The following REV3L variants were observed in gnomAD, a reference collection of about 807,000 sequenced individuals.
REV3L encodes REV3 like, DNA directed polymerase zeta catalytic subunit.
In REV3L, 69 loss-of-function variants were observed where a neutral mutation model predicts 299.4. The ratio of observed to expected loss-of-function variants is 0.23; its 90% CI spans 0.19 to 0.28. The LOEUF (loss-of-function observed/expected upper bound fraction) is 0.28. Ranked by LOEUF, REV3L falls within the 10% of genes least tolerant of loss-of-function variation. The pLI is 1.00. For missense variants in REV3L, 3,128 were observed against 3,693.8 expected (o/e 0.85, Z 3.97); for synonymous variants, 1,238 against 1,271.4 (o/e 0.97, Z 0.56).
At chr6:111,401,287 T>C (rs916722373) in intron 4 of REV3L, among the ~76,000 whole-genome samples, 3 of 152,180 alleles carry the variant, frequency 2.0e-5, no homozygotes, top group Non-Finnish European at 4.4e-5. Flanking sequence ...TGGGAGAAAT[T>C]GGTGGACAGT....
intron 1 of REV3L, among the ~76,000 whole-genome samples, chr6:111,424,317 A>G (rs1785914470): frequency 6.6e-6 from 1 of 152,186 alleles, no homozygotes; most frequent in Non-Finnish European, 1.5e-5. Flanking sequence ...GGCAGGATGT[A>G]GATAAAAGTA....
At chr6:111,327,720 C>G (rs898766530) in intron 25 of REV3L, among the ~76,000 whole-genome samples, 1 of 151,888 alleles carries the variant, frequency 6.6e-6, no homozygotes, top group Admixed American at 6.6e-5. Context: ...AAATATAAAC[C>G]TAGATACAAA....
intron 3 of REV3L, among the ~76,000 whole-genome samples, chr6:111,407,814 T>C (rs1783805380): frequency 6.6e-6 from 1 of 152,124 alleles, no homozygotes; most frequent in Non-Finnish European, 1.5e-5. Flanking sequence ...GTGGTGCCTG[T>C]AATCCTAACT....
At chr6:111,466,406 T>C (rs1791520759) in intron 1 of REV3L, among the ~76,000 whole-genome samples, 3 of 152,132 alleles carry the variant, frequency 2.0e-5, no homozygotes, top group Admixed American at 6.5e-5. Context: ...AAAAAGCACA[T>C]AGAGGAATTT....
intron 18 of REV3L, among the ~76,000 whole-genome samples, chr6:111,355,712 G>T (rs189412762): frequency 1.7e-3 from 253 of 152,140 alleles, no homozygotes; most frequent in Non-Finnish European, 2.9e-3. Flanking sequence ...GGACATTACT[G>T]GACATGTGCT....
intron 4 of REV3L, among the ~76,000 whole-genome samples, 166 bp from the exon 5 acceptor site, chr6:111,393,138 C>T (rs970838101): frequency 3.3e-5 from 5 of 151,758 alleles, no homozygotes; most frequent in African/African-American, 4.8e-5. Context: ...CCCAGGTTCA[C>T]GCCATTCTCC....
chr6:111,482,262 A>AG (rs1793806246), intron 1 of REV3L, among the ~76,000 whole-genome samples: 1 of 152,184 alleles, frequency 6.6e-6, no homozygotes, highest in Non-Finnish European at 1.5e-5. Flanking sequence ...AGCGAGGGTG[A>AG]GAAGAGACCA....
chr6:111,344,821 A>G (rs574478745), intron 20 of REV3L, among the ~76,000 whole-genome samples: 9 of 152,346 alleles, frequency 5.9e-5, no homozygotes, highest in African/African-American at 1.9e-4. Context: ...TCACATTTGT[A>G]TATTACATTA....
intron 25 of REV3L, among the ~76,000 whole-genome samples, chr6:111,327,278 G>A (rs1774931179): frequency 1.3e-5 from 2 of 152,126 alleles, no homozygotes; most frequent in African/African-American, 4.8e-5. Flanking sequence ...CCCTAAGAAA[G>A]GATTTGGGAC....
rs968233850 is a variant in REV3L at position 111,431,642 on chromosome 6, T to A, written c.140-15170A>T. Reference sequence around the variant, plus strand: ...GCACAGCAAGTAACTACAGGTGATATCATAAGCACATACGGAGTTTGAAAA... The same window carrying A: ...GCACAGCAAGTAACTACAGGTGATAACATAAGCACATACGGAGTTTGAAAA... On this transcript the variant is annotated intron_variant, in intron 1 of 31. Coordinates refer to ENST00000368802, the MANE Select transcript of REV3L (RefSeq NM_001372078.1). The A allele has an allele frequency of 1.8e-5, 15 of 816,884 alleles. No individual in the cohort carries two copies. The Middle Eastern group carries it at 1.9e-3, about 101-fold the overall frequency. The allele number at this position is 816,884 out of a possible 1,614,324, so 50.6% of individuals were successfully genotyped here. A position where few individuals can be genotyped will look rare whatever the true frequency, so the allele number is the denominator to read the frequency against.
intron 1 of REV3L, among the ~76,000 whole-genome samples, chr6:111,461,333 T>A (rs1790749876): frequency 6.6e-6 from 1 of 152,046 alleles, no homozygotes; most frequent in Non-Finnish European, 1.5e-5. Flanking sequence ...AAATTAAAAA[T>A]TTTTAAATAG....
chr6:111,432,266 T>C (rs1392751992), intron 1 of REV3L, among the ~76,000 whole-genome samples: 1 of 152,248 alleles, frequency 6.6e-6, no homozygotes, highest in Non-Finnish European at 1.5e-5. Flanking sequence ...GAATGAATTC[T>C]GTCTAAACAG....
chr6:111,479,509 C>CTTTTT (rs397758175), intron 1 of REV3L, among the ~76,000 whole-genome samples: 1 of 130,104 alleles, frequency 7.7e-6, no homozygotes, highest in Non-Finnish European at 1.6e-5. Flanking sequence ...CCCCCCCCGC[C>CTTTTT]TTTTTTTTTT....
At chr6:111,304,410 C>T (rs1411217185) in intron 31 of REV3L, among the ~76,000 whole-genome samples, 1 of 148,628 alleles carries the variant, frequency 6.7e-6, no homozygotes, top group Non-Finnish European at 1.5e-5. Flanking sequence ...CTTGATTGGT[C>T]TTGGATTGAG....
chr6:111,372,975 T>C lies in REV3L; in HGVS notation c.5380A>G (p.Asn1794Asp). The change falls in exon 13 of 32, where the codon AAC becomes GAC. Residue 1794 changes from asparagine to aspartate, a missense_variant. Physicochemically the swap from Asn to Asp is conservative, Grantham distance 23. This residue lies in a region of REV3L where 2,409 missense variants were observed against 2,611.8 expected (regional missense o/e 0.92). Transcript: ENST00000368802. ...TGACCTTGAATCCAGTCTGAATTGT[T>C]TGGCTGTGGGAGGCTAAGAAACACT... ...KEVFLSLPQP[N>D]NSDWIQGHTR... is the part of the protein sequence containing the mutation. 6.2e-7 allele frequency: 1 copy of C among 1,614,174 alleles called. No individual in the cohort carries two copies. The highest frequency in any genetic ancestry group is 8.5e-7 in the Non-Finnish European group (1 of 1,180,016).
intron 21 of REV3L, among the ~76,000 whole-genome samples, chr6:111,340,383 T>C (rs1776359430): frequency 6.6e-6 from 1 of 152,126 alleles, no homozygotes; most frequent in African/African-American, 2.4e-5. Context: ...GGCTTAGGAA[T>C]CTAATCACAA....
At chr6:111,413,567 CA>C (rs1429097199) in intron 2 of REV3L, among the ~76,000 whole-genome samples, 1 of 151,844 alleles carries the variant, frequency 6.6e-6, no homozygotes, top group African/African-American at 2.4e-5. Context: ...AGTTAAACCT[CA>C]TGTAAATGTT....
chr6:111,435,297 A>G (rs1787422676), intron 1 of REV3L, among the ~76,000 whole-genome samples: 3 of 152,232 alleles, frequency 2.0e-5, no homozygotes, highest in African/African-American at 7.2e-5. Context: ...TCTTCACAGA[A>G]ATAGAAAAAA....
In REV3L at chr6:111,482,802, C is replaced by T; in HGVS notation, c.87G>A (p.Gln29=). ...GLDTCQSPLT[Q]APVKKVPVVR... ...CCACCGGCACCTTCTTGACAGGGGC[C>T]TGGGTGAGGGGGGATTGGCAGGTAT... is the stretch of plus-strand genomic sequence containing the variant. Residue 29 remains glutamine, a synonymous_variant, in exon 1 of 32, where the codon CAG becomes CAA. Transcript: ENST00000368802. The T allele has an allele frequency of 6.7e-7, 1 of 1,503,720 alleles. No homozygotes were observed. Among genetic ancestry groups the T allele is most frequent in the Non-Finnish European group, 8.9e-7 (1 of 1,129,044 alleles). 93.1% of individuals were successfully genotyped at this position (1,503,720 alleles called of 1,614,324 possible). A position where few individuals can be genotyped will look rare whatever the true frequency, so the allele number is the denominator to read the frequency against.
Sources: gnomAD v4.1 joint callset for allele counts (sites outside exome capture counted in the v4.1 genomes callset) on GRCh38, gnomAD v4.1.1 for gene constraint, gnomAD v4.1.1 regional missense constraint, MANE v1.5 for transcripts, NCBI Gene and HGNC (gene_info 2026-07-23, HGNC 2026-07-21) for gene names.